USH2A: variants seen among roughly 807,000 people sequenced by gnomAD.
USH2A encodes usherin.
A neutral mutation model predicts 538.9 loss-of-function variants in USH2A; 443 were observed. The ratio of observed to expected loss-of-function variants is 0.82; its 90% CI spans 0.76 to 0.89. USH2A has a LOEUF of 0.89. Ranked by LOEUF, USH2A falls within the 40% of genes least tolerant of loss-of-function variation. The probability of loss-of-function intolerance (pLI) is 0.00; values close to 1 mark genes in which losing one functional copy is unlikely to be tolerated. For missense variants in USH2A, 6,633 were observed against 6,324.8 expected, an observed-to-expected ratio of 1.05 and a Z score of -1.65; for synonymous variants, 2,413 against 2,273.5, an observed-to-expected ratio of 1.06 and a Z score of -1.75.
intron 44 of USH2A, among the ~76,000 whole-genome samples, chr1:215,863,649 AAGAGAG>A (rs35657853): frequency 2.1e-5 from 3 of 141,236 alleles, no homozygotes; most frequent in Non-Finnish European, 4.5e-5. Flanking sequence ...AATAGGAAGA[AAGAGAG>A]AGAGAGAGAG....
chr1:216,362,909 A>G (rs2038521058), intron 4 of USH2A, among the ~76,000 whole-genome samples: 1 of 151,526 alleles, frequency 6.6e-6, no homozygotes, highest in Non-Finnish European at 1.5e-5. Flanking sequence ...ACTGCACTCC[A>G]GCCTGGGCGA....
rs752996514 is a variant in USH2A, at chr1:215,817,002, C to A, written c.9565G>T (p.Ala3189Ser). 1.2e-6 allele frequency: 2 copies of A among 1,612,336 alleles called. No individual in the cohort carries two copies. Among genetic ancestry groups the A allele is most frequent in the East Asian group, 4.5e-5 (2 of 44,818 alleles). Residue 3189 changes from alanine (A) to serine (S), a missense_variant, in exon 48 of 72, where the codon GCT (alanine) becomes TCT (serine). Ala to Ser is a moderately conservative substitution (Grantham distance 99, BLOSUM62 1). Transcript: ENST00000307340. ...ATTAGTTAGAAAAGACTTACCTTAG[C>A]TTCAGAAGAATAGCAAATGTGTCCA... ...ICGHICYSSE[A>S]KVCCNGVLYN... is the part of the protein sequence containing the mutation.
intron 3 of USH2A, among the ~76,000 whole-genome samples, chr1:216,405,870 A>G (rs2039387829): frequency 6.6e-6 from 1 of 152,236 alleles, no homozygotes; most frequent in South Asian, 2.1e-4. Context: ...CAATGCCCTT[A>G]ACAACTTGAA....
At chr1:216,417,134 C>T (rs2039589601) in intron 3 of USH2A, among the ~76,000 whole-genome samples, 2 of 151,976 alleles carry the variant, frequency 1.3e-5, no homozygotes, top group South Asian at 4.1e-4. Flanking sequence ...CATTTCAACC[C>T]TAGTTGTGTA....
intron 14 of USH2A, among the ~76,000 whole-genome samples, chr1:216,229,133 C>T (rs1461285178): frequency 6.6e-6 from 1 of 151,854 alleles, no homozygotes; most frequent in Non-Finnish European, 1.5e-5. Flanking sequence ...GAGATCACGC[C>T]ACTGCACTCC....
Position 215,838,015 on chromosome 1 carries a change from GGT to G in USH2A, c.9345_9346del (p.Pro3116HisfsTer13), listed in dbSNP as rs536593247. 40 of 1,613,920 alleles carry G rather than the reference GGT, an allele frequency of 2.5e-5. No individual in the cohort carries two copies. In the African/African-American group the frequency reaches 5.2e-4, roughly 21 times the overall value. On this transcript the variant is annotated frameshift_variant, in exon 47 of 72. Coordinates refer to ENST00000307340, the MANE Select transcript of USH2A (RefSeq NM_206933.4). LOFTEE classifies it high-confidence loss of function. ...CCTTGAAGTGATGCCACGAATTGTG[GGT>G]GTTGGTATATCACTTGGAGTGTCTT... is the stretch of plus-strand genomic sequence containing the variant.
intron 11 of USH2A, among the ~76,000 whole-genome samples, chr1:216,282,020 A>G (rs564558647): frequency 9.2e-5 from 14 of 151,972 alleles, no homozygotes; most frequent in Non-Finnish European, 1.8e-4. Flanking sequence ...AGAAATATCT[A>G]TTCAGATTAT....
chr1:215,890,039 CA>C (rs1665169499), intron 40 of USH2A, among the ~76,000 whole-genome samples: 1 of 152,132 alleles, frequency 6.6e-6, no homozygotes, highest in African/African-American at 2.4e-5. Flanking sequence ...TCTCTAGGTA[CA>C]AGCAAGAACA....
rs2036952534 is a variant in USH2A at position 216,289,331 on chromosome 1, G to C, written c.1920C>G (p.Pro640=). The C allele has an allele frequency of 6.2e-7, 1 of 1,613,940 alleles. No homozygotes were observed. Among genetic ancestry groups the C allele is most frequent in the Non-Finnish European group, 8.5e-7 (1 of 1,179,876 alleles). Residue 640 remains proline (P), a synonymous_variant, in exon 11 of 72, where the codon CCC becomes CCG. Transcript: ENST00000307340. The part of the protein sequence containing the change: ...ADPSAIDVCK[P]CDCDTVGTRN... ...TAGTGCCAACTGTATCACAGTCACA[G>C]GGTTTGCAAACATCTATGGCCGAAG...
chr1:215,813,059 G>T (rs962296920), intron 49 of USH2A, among the ~76,000 whole-genome samples: 3 of 152,178 alleles, frequency 2.0e-5, no homozygotes, highest in Non-Finnish European at 4.4e-5. Context: ...CCCATGTAAA[G>T]TCTTCAATAC....
At chr1:215,779,637 T>A (rs1049580465) in intron 55 of USH2A, among the ~76,000 whole-genome samples, 1 of 152,216 alleles carries the variant, frequency 6.6e-6, no homozygotes, top group African/African-American at 2.4e-5. Context: ...TATAAATTAT[T>A]TCTGAAGTTA....
intron 30 of USH2A, among the ~76,000 whole-genome samples, chr1:216,065,718 G>A (rs980208126): frequency 1.1e-4 from 17 of 151,962 alleles, no homozygotes; most frequent in African/African-American, 3.9e-4. Context: ...CCAACATGGT[G>A]AAACTCCATC....
At chr1:216,348,211 A>C (rs1013610778) in intron 4 of USH2A, among the ~76,000 whole-genome samples, 3 of 152,178 alleles carry the variant, frequency 2.0e-5, no homozygotes, top group Non-Finnish European at 2.9e-5. Context: ...TATTTGCATA[A>C]GTGCAATAAG....
chr1:215,692,581 C>T (rs1368692183), intron 61 of USH2A, among the ~76,000 whole-genome samples: 4 of 152,100 alleles, frequency 2.6e-5, no homozygotes, highest in Non-Finnish European at 4.4e-5. Flanking sequence ...GAGTTAGCTA[C>T]AGTATCCTTA....
At chr1:216,420,417 A>G (rs1041790609) in intron 2 of USH2A, among the ~76,000 whole-genome samples, 1 of 152,080 alleles carries the variant, frequency 6.6e-6, no homozygotes, top group African/African-American at 2.4e-5. Flanking sequence ...ATAAACAATA[A>G]TTGGATAATC....
At chr1:215,789,407 C>G (rs1490114518) in intron 51 of USH2A, among the ~76,000 whole-genome samples, 1 of 152,112 alleles carries the variant, frequency 6.6e-6, no homozygotes, top group Non-Finnish European at 1.5e-5. Context: ...CTACAGAACA[C>G]GGTAGCATGT....
At chr1:216,026,829 T>A (rs1348450200) in intron 32 of USH2A, among the ~76,000 whole-genome samples, 2 of 152,174 alleles carry the variant, frequency 1.3e-5, no homozygotes, top group African/African-American at 4.8e-5. Context: ...AAACCACATA[T>A]GTCTACAAGC....
intron 21 of USH2A, among the ~76,000 whole-genome samples, chr1:216,145,599 T>C (rs1297391955): frequency 6.6e-6 from 1 of 152,180 alleles, no homozygotes; most frequent in African/African-American, 2.4e-5. Context: ...CCACAAGTCC[T>C]GTGTCAGGCC....
At position 215,650,649 on chromosome 1, in the gene USH2A, G is replaced by A. The variant is rs750368946; in HGVS notation, c.14286C>T (p.Asn4762=). 7.4e-6 allele frequency: 12 copies of A among 1,614,008 alleles called. No homozygotes were observed. Among genetic ancestry groups the A allele is most frequent in the East Asian group, 6.7e-5 (3 of 44,870 alleles). ...VVNISAPGKP[N]GIVSLYRLFS... ...ACAGCCTGTAGAGACTGACGATCCCGTTGGGCTTCCCAGGGGCACTGATGT... is the reference window on the plus strand; with the variant it reads ...ACAGCCTGTAGAGACTGACGATCCCATTGGGCTTCCCAGGGGCACTGATGT... Residue 4762 remains asparagine (N), a synonymous_variant, in exon 65 of 72, where the codon AAC becomes AAT. Coordinates refer to ENST00000307340, the MANE Select transcript of USH2A (RefSeq NM_206933.4).
Sources: allele counts gnomAD v4.1 joint callset (sites outside exome capture counted in the v4.1 genomes callset), GRCh38; gene constraint gnomAD v4.1.1; transcripts MANE v1.5; gene names NCBI Gene and HGNC (gene_info 2026-07-23, HGNC 2026-07-21).